The following SGK1 variants were observed in gnomAD, a reference collection of about 807,000 sequenced individuals.
SGK1 encodes the protein serum/glucocorticoid regulated kinase 1.
A neutral mutation model predicts 64.2 loss-of-function variants in SGK1; 26 were observed. That is an observed-to-expected ratio of 0.40 (90% CI 0.30 to 0.56). The LOEUF (loss-of-function observed/expected upper bound fraction) is 0.56, where lower values mean the gene tolerates loss of function less well. Ranked by LOEUF, SGK1 falls within the 20% of genes least tolerant of loss-of-function variation. The pLI is 0.38. For synonymous variants in SGK1, 265 were observed against 239.7 expected, an observed-to-expected ratio of 1.11 and a Z score of -0.98; for missense variants, 519 against 645.6, an observed-to-expected ratio of 0.80 and a Z score of 2.12.
intron 1 of SGK1, among the ~76,000 whole-genome samples, chr6:134,312,794 A>C (rs534522042): frequency 1.1e-4 from 17 of 151,528 alleles, no homozygotes; most frequent in African/African-American, 3.6e-4. Flanking sequence ...TTTCCTTGAG[A>C]TGGAGTCTCA....
intron 1 of SGK1, among the ~76,000 whole-genome samples, chr6:134,311,480 T>TA (rs879281450): frequency 2.3e-3 from 337 of 144,978 alleles, no homozygotes; most frequent in African/African-American, 4.7e-3. Flanking sequence ...CTGTCTCTAC[T>TA]AAAAAAAAAA....
chr6:134,311,864 T>A (rs910456874), intron 1 of SGK1, among the ~76,000 whole-genome samples: 1 of 152,068 alleles, frequency 6.6e-6, no homozygotes, highest in Non-Finnish European at 1.5e-5. Context: ...ATCAAACATA[T>A]CTTGAAAAAA....
At chr6:134,290,031 A>G (rs1032702076) in intron 1 of SGK1, among the ~76,000 whole-genome samples, 6 of 151,390 alleles carry the variant, frequency 4.0e-5, no homozygotes, top group African/African-American at 7.3e-5. Flanking sequence ...GGCACTTGTA[A>G]TCCCACTACT....
At chr6:134,198,042 A>C (rs1023347414) in intron 3 of SGK1, among the ~76,000 whole-genome samples, 15 of 152,090 alleles carry the variant, frequency 9.9e-5, no homozygotes, top group Admixed American at 9.2e-4. Context: ...TTTTTGTTTA[A>C]TGAGGTGGAG....
chr6:134,266,712 T>C (rs1340899355), intron 1 of SGK1, among the ~76,000 whole-genome samples: 1 of 152,222 alleles, frequency 6.6e-6, no homozygotes, highest in Non-Finnish European at 1.5e-5. Flanking sequence ...TTAAGCATGT[T>C]AGTAGGTATA....
chr6:134,174,376 A>G, intron 4 of SGK1, 135 bp downstream of exon 4: 1 of 652,736 alleles, frequency 1.5e-6, no homozygotes, highest in Non-Finnish European at 2.6e-6. Context: ...TGTCAAATAT[A>G]TTAGAATTTA....
At chr6:134,207,474 C>G in intron 2 of SGK1, 43 bp from the exon 3 acceptor site, 1 of 1,356,994 alleles carries the variant, frequency 7.4e-7, no homozygotes, top group African/African-American at 1.4e-5. Flanking sequence ...AAAATGGCTT[C>G]ATCATTTCAG....
chr6:134,288,342 C>T (rs1777216330), intron 1 of SGK1, among the ~76,000 whole-genome samples: 4 of 152,168 alleles, frequency 2.6e-5, no homozygotes. Flanking sequence ...GCAATAAACA[C>T]AGAGAACTAG....
intron 2 of SGK1, among the ~76,000 whole-genome samples, chr6:134,238,915 C>T (rs1264004410): frequency 6.6e-6 from 1 of 152,174 alleles, no homozygotes; most frequent in Non-Finnish European, 1.5e-5. Context: ...TTTTTCAGAA[C>T]ACACTATCCA....
intron 11 of SGK1, 133 bp from the exon 12 acceptor site, chr6:134,171,311 C>T: frequency 1.2e-6 from 1 of 856,592 alleles, no homozygotes; most frequent in Non-Finnish European, 1.9e-6. Flanking sequence ...TCAATGCTTT[C>T]TTTTCCCTTG....
intron 1 of SGK1, among the ~76,000 whole-genome samples, chr6:134,263,888 C>T (rs1265974708): frequency 6.6e-6 from 1 of 151,728 alleles, no homozygotes; most frequent in East Asian, 1.9e-4. Flanking sequence ...ATAGCAAAAC[C>T]CCATCTCTAC....
intron 3 of SGK1, among the ~76,000 whole-genome samples, chr6:134,200,268 C>T (rs1457181313): frequency 7.2e-5 from 11 of 152,222 alleles, no homozygotes; most frequent in South Asian, 6.2e-4. Context: ...AGTAAGATGA[C>T]GGGTGATCAA....
At chr6:134,220,075 A>G (rs1399748719) in intron 2 of SGK1, among the ~76,000 whole-genome samples, 2 of 145,816 alleles carry the variant, frequency 1.4e-5, no homozygotes, top group Non-Finnish European at 3.0e-5. Context: ...AAAAAAAAAA[A>G]AAAAAAAAAA....
At chr6:134,265,621 T>C (rs1462233820) in intron 1 of SGK1, among the ~76,000 whole-genome samples, 2 of 132,392 alleles carry the variant, frequency 1.5e-5, no homozygotes, top group Non-Finnish European at 3.1e-5. Context: ...TATATATACA[T>C]ATATATATAT....
chr6:134,317,278 C>T, intron 1 of SGK1, 114 bp downstream of exon 1: 1 of 767,446 alleles, frequency 1.3e-6, no homozygotes. Flanking sequence ...CCATCAGAAG[C>T]ACGGCTTACA....
intron 1 of SGK1, among the ~76,000 whole-genome samples, chr6:134,295,704 G>GA (rs375195964): frequency 0.16 from 17,521 of 112,356 alleles, 1,289 homozygotes; most frequent in African/African-American, 0.25. Flanking sequence ...CTCCATCTCA[G>GA]AAAAAAAAAA....
At chr6:134,205,831 T>C (rs1775759904) in intron 3 of SGK1, among the ~76,000 whole-genome samples, 1 of 152,238 alleles carries the variant, frequency 6.6e-6, no homozygotes, top group African/African-American at 2.4e-5. Context: ...GTGAGTTTTC[T>C]ATTTCATTAG....
At chr6:134,246,781 CAG>C (rs1776531450) in intron 2 of SGK1, among the ~76,000 whole-genome samples, 1 of 151,662 alleles carries the variant, frequency 6.6e-6, no homozygotes, top group Admixed American at 6.6e-5. Flanking sequence ...TTAGTAGAGA[CAG>C]GGTTTCGCCA....
chr6:134,216,615 C>T (rs947438050), intron 2 of SGK1, among the ~76,000 whole-genome samples: 6 of 152,162 alleles, frequency 3.9e-5, no homozygotes, highest in African/African-American at 1.4e-4. Context: ...TCATTGCTCC[C>T]TAGACATTGT....
Sources: gnomAD v4.1 joint callset for allele counts (sites outside exome capture counted in the v4.1 genomes callset) on GRCh38, gnomAD v4.1.1 for gene constraint, MANE v1.5 for transcripts, NCBI Gene and HGNC (gene_info 2026-07-23, HGNC 2026-07-21) for gene names.